KANK2: variants seen among roughly 807,000 people sequenced by gnomAD.
KANK2 encodes KN motif and ankyrin repeat domain-containing protein 2.
In KANK2, 41 loss-of-function variants were observed where a neutral mutation model predicts 74.6. The ratio of observed to expected loss-of-function variants is 0.55; its 90% CI spans 0.43 to 0.71. KANK2 has a LOEUF of 0.71. KANK2 is among the 30% of genes least tolerant of loss of function. The pLI is 0.00. For synonymous variants in KANK2, 537 were observed against 519.0 expected (o/e 1.03, Z -0.47); for missense variants, 1,148 against 1,196.4 (o/e 0.96, Z 0.60).
chr19:11,172,180 TTGGTCAGGC>T (rs112516342), intron 10 of KANK2, among the ~76,000 whole-genome samples: 7,179 of 152,026 alleles, frequency 0.047, 596 homozygotes, highest in African/African-American at 0.17. Context: ...TTTCACCATG[TTGGTCAGGC>T]TGGTCTTGAA....
At position 11,193,366 on chromosome 19, in the gene KANK2, G is replaced by A. The variant is rs1030361336; in HGVS notation, c.714C>T (p.His238=). The A allele has an allele frequency of 6.2e-7, 1 of 1,612,948 alleles. No homozygotes were observed. Residue 238 remains histidine (H), a synonymous_variant, in exon 4 of 13, where the codon CAC becomes CAT. Coordinates refer to ENST00000586659, the MANE Select transcript of KANK2 (RefSeq NM_001136191.3). The surrounding 1 kb of genome is among the most constrained non-coding windows in gnomAD (Gnocchi z 9.6). ...CGCTGCGACCCCGGCCCGCTGTGGG[G>A]TGGCCCAGGAACTTCTGGCTCTTAA... ...VQLKSQKFLG[H]PTAGRGRSEL...
chr19:11,164,633 A>G lies in KANK2; in HGVS notation c.*1925T>C, dbSNP rs1280284478. On this transcript the variant is annotated 3_prime_UTR_variant, in exon 13 of 13. Transcript: ENST00000586659. ...CCAAAGCTGCGACCTTCCCCCTCAG[A>G]CACCCACAATTAATTGTTTCCAATC... The G allele has an allele frequency of 1.3e-5, 2 of 151,864 alleles. No homozygotes were observed. The highest frequency in any genetic ancestry group is 4.8e-5 in the African/African-American group (2 of 41,382). 9.4% of individuals were successfully genotyped at this position (151,864 alleles called of 1,614,324 possible). A position where few individuals can be genotyped will look rare whatever the true frequency, so the allele number is the denominator to read the frequency against.
chr19:11,176,538 C>T (rs760985974), intron 7 of KANK2, 40 bp downstream of exon 7: 27 of 1,536,792 alleles, frequency 1.8e-5, no homozygotes, highest in Non-Finnish European at 2.4e-5. Flanking sequence ...GGTCATCCAC[C>T]CCCGGCCCTG....
intron 4 of KANK2, among the ~76,000 whole-genome samples, chr19:11,190,643 T>C (rs1249756408): frequency 6.6e-6 from 1 of 152,184 alleles, no homozygotes; most frequent in Non-Finnish European, 1.5e-5. Flanking sequence ...CGTTTAGGGC[T>C]AGAGAGGTGA....
chr19:11,178,792 A>C, intron 4 of KANK2, 72 bp from the exon 5 acceptor site: 1 of 1,379,088 alleles, frequency 7.3e-7, no homozygotes, highest in Non-Finnish European at 9.6e-7. Flanking sequence ...CGGGTCATAC[A>C]CCCTGGGCCA....
chr19:11,188,959 T>G (rs1257361967), intron 4 of KANK2, among the ~76,000 whole-genome samples: 5 of 147,074 alleles, frequency 3.4e-5, no homozygotes, highest in African/African-American at 5.1e-5. Flanking sequence ...CACACCAGCC[T>G]GGGTGGCAGT....
intron 4 of KANK2, 103 bp downstream of exon 4, chr19:11,192,728 C>T (rs1372071250): frequency 6.9e-7 from 1 of 1,446,622 alleles, no homozygotes; most frequent in Non-Finnish European, 9.6e-7. Context: ...CGCCACCGCA[C>T]CCTGCCTGGA....
At position 11,194,539 on chromosome 19, in the gene KANK2, G is replaced by A. The variant is rs759308739; in HGVS notation, c.-28C>T. On this transcript the variant is annotated 5_prime_UTR_variant, in exon 3 of 13. Coordinates refer to ENST00000586659, the MANE Select transcript of KANK2 (RefSeq NM_001136191.3). ...TCTTTTCTACAGATGCTCCTTGGAA[G>A]TCACTTGAGGGACTGCGAGTCAGAC... The A allele has an allele frequency of 1.2e-6, 2 of 1,600,520 alleles. No individual in the cohort carries two copies. The highest frequency in any genetic ancestry group is 8.6e-7 in the Non-Finnish European group (1 of 1,168,448).
Position 11,176,595 on chromosome 19 carries a change from G to A in KANK2, c.1743C>T (p.Asn581=). 6.3e-7 allele frequency: 1 copy of A among 1,596,764 alleles called. No individual in the cohort carries two copies. Among genetic ancestry groups the A allele is most frequent in the South Asian group, 1.1e-5 (1 of 88,792 alleles). Residue 581 remains asparagine (N), a synonymous_variant, in exon 7 of 13, where the codon AAC becomes AAT. Transcript: ENST00000586659. ...AAACTGACCTGATCTCCTCCTCCGT[G>A]TTTGATCCTGATGCCCCCTCAGCAG... The part of the protein sequence containing the change: ...IPTAEGASGS[N]TEEEIRMELS...
intron 4 of KANK2, among the ~76,000 whole-genome samples, chr19:11,181,481 A>G (rs2078517194): frequency 1.3e-5 from 2 of 151,990 alleles, no homozygotes; most frequent in East Asian, 3.9e-4. Flanking sequence ...TCCTGACCTC[A>G]AGTGATCCAT....
intron 4 of KANK2, among the ~76,000 whole-genome samples, chr19:11,188,641 T>C (rs534458300): frequency 6.6e-6 from 1 of 151,544 alleles, no homozygotes; most frequent in South Asian, 2.1e-4. Context: ...CCCTGGAACA[T>C]TGTTTTTTCC....
At chr19:11,177,536 G>A (rs1162471031) in intron 6 of KANK2, among the ~76,000 whole-genome samples, 1 of 152,058 alleles carries the variant, frequency 6.6e-6, no homozygotes, top group African/African-American at 2.4e-5. Context: ...ATTTTTAGTA[G>A]AGATGGAGTT....
At chr19:11,194,165 A>G (rs894757049) in intron 3 of KANK2, 123 bp from the exon 4 acceptor site, 3 of 1,068,856 alleles carry the variant, frequency 2.8e-6, no homozygotes, top group Non-Finnish European at 2.6e-6. Flanking sequence ...CTGGTACTCA[A>G]CCGCGTCTGC....
At chr19:11,195,592 A>G (rs2078994800) in intron 2 of KANK2, 30 bp downstream of exon 2, 1 of 152,564 alleles carries the variant, frequency 6.6e-6, no homozygotes. Flanking sequence ...CCTGCTGGGC[A>G]TGAAGGCAGG....
At chr19:11,166,731 C>G in intron 12 of KANK2, 120 bp from the exon 13 acceptor site, 1 of 913,766 alleles carries the variant, frequency 1.1e-6, no homozygotes, top group East Asian at 2.5e-5. Context: ...GGCCCCTGGC[C>G]CCAAGGAGGT....
chr19:11,188,941 C>T (rs892816534), intron 4 of KANK2, among the ~76,000 whole-genome samples: 4 of 150,716 alleles, frequency 2.7e-5, no homozygotes, highest in African/African-American at 4.9e-5. Flanking sequence ...GCGGAGATAG[C>T]GCCATTGCAC....
chr19:11,169,796 G>T, intron 12 of KANK2, 81 bp downstream of exon 12: 1 of 1,208,472 alleles, frequency 8.3e-7, no homozygotes, highest in Non-Finnish European at 1.2e-6. Context: ...GTGAGACTCT[G>T]CCTCAAAAAC....
chr19:11,175,069 C>T (rs919555780), intron 8 of KANK2, among the ~76,000 whole-genome samples: 8 of 151,796 alleles, frequency 5.3e-5, no homozygotes, highest in Non-Finnish European at 8.8e-5. Flanking sequence ...GCTATCCTCC[C>T]GCCTCTGCCT....
chr19:11,194,744 C>A lies in KANK2; in HGVS notation c.-79-154G>T. 6.3e-6 allele frequency: 3 copies of A among 479,426 alleles called. No homozygotes were observed. The South Asian group carries it at 6.5e-5, about 10-fold the overall frequency. 29.7% of individuals were successfully genotyped at this position (479,426 alleles called of 1,614,324 possible). A position where few individuals can be genotyped will look rare whatever the true frequency, so the allele number is the denominator to read the frequency against. On this transcript the variant is annotated intron_variant, in intron 2 of 12. Transcript: ENST00000586659. Reference sequence around the variant, plus strand: ...ACACCCAGCCTGGCTGCGGAAGGGCCCCCCCCGACCCCCTCCCCCCCGCAG... The same window carrying A: ...ACACCCAGCCTGGCTGCGGAAGGGCACCCCCCGACCCCCTCCCCCCCGCAG...
Sources: allele counts gnomAD v4.1 joint callset (sites outside exome capture counted in the v4.1 genomes callset), GRCh38; gene constraint gnomAD v4.1.1; non-coding constraint Gnocchi (gnomAD v3.1); transcripts MANE v1.5; gene names NCBI Gene and HGNC (gene_info 2026-07-23, HGNC 2026-07-21).